Variants in ITGA2 observed in about 807,000 individuals in gnomAD.
The protein encoded by ITGA2 is integrin alpha-2.
ITGA2 carries 101 observed loss-of-function variants against 146.3 expected under a neutral mutation model. That is an observed-to-expected ratio of 0.69 (90% confidence interval 0.59 to 0.81). The LOEUF is 0.81. Ranked by LOEUF, ITGA2 falls within the 40% of genes least tolerant of loss-of-function variation. The pLI, the probability that ITGA2 is intolerant of heterozygous loss-of-function variation, is 0.00. For synonymous variants in ITGA2, 477 were observed against 487.1 expected, an observed-to-expected ratio of 0.98 and a Z score of 0.27; for missense variants, 1,281 against 1,402.7, an observed-to-expected ratio of 0.91 and a Z score of 1.39.
chr5:53,014,616 A>G (rs1443812509), intron 1 of ITGA2, among the ~76,000 whole-genome samples: 1 of 152,158 alleles, frequency 6.6e-6, no homozygotes, highest in East Asian at 1.9e-4. Context: ...GCTTCATAGA[A>G]TGAGTTAGGA....
At chr5:53,011,455 G>C (rs138400919) in intron 1 of ITGA2, among the ~76,000 whole-genome samples, 2 of 152,164 alleles carry the variant, frequency 1.3e-5, no homozygotes, top group East Asian at 3.9e-4. Flanking sequence ...CCAACCCACC[G>C]CTATGTTGCT....
In ITGA2 at chr5:53,069,130, T is replaced by C. The variant is rs1745271362; in HGVS notation, c.2084-979T>C. ...TATACAACCTTTAAAATATTGAAAA[T>C]AATAAAGTAAGATAGAATAACCCCA... On this transcript the variant is annotated intron_variant, in intron 16 of 29. Coordinates refer to ENST00000296585, the MANE Select transcript of ITGA2 (RefSeq NM_002203.4). Among the ~76,000 whole-genome samples, 2 of 151,796 alleles carry C rather than the reference T, an allele frequency of 1.3e-5. 1 individual carries two copies. The highest frequency in any genetic ancestry group is 4.8e-5 in the African/African-American group (2 of 41,392).
chr5:53,029,151 A>G (rs1476530500), intron 2 of ITGA2, among the ~76,000 whole-genome samples: 1 of 152,190 alleles, frequency 6.6e-6, no homozygotes, highest in East Asian at 1.9e-4. Context: ...GGGCGCCTGT[A>G]ATCCCAGCTA....
intron 27 of ITGA2, among the ~76,000 whole-genome samples, chr5:53,083,736 C>T (rs1037422196): frequency 2.6e-5 from 4 of 152,276 alleles, no homozygotes; most frequent in South Asian, 2.1e-4. Flanking sequence ...GTCATCTCTG[C>T]GGCCCTGGGC....
intron 1 of ITGA2, among the ~76,000 whole-genome samples, chr5:53,020,022 A>G (rs1273706668): frequency 6.6e-6 from 1 of 152,194 alleles, no homozygotes; most frequent in African/African-American, 2.4e-5. Flanking sequence ...GGTATTACCT[A>G]TTGTTTTAGG....
At chr5:53,071,316 C>T (rs3212578) in intron 17 of ITGA2, among the ~76,000 whole-genome samples, 10,121 of 151,942 alleles carry the variant, frequency 0.067, 367 homozygotes, top group Non-Finnish European at 0.077. Flanking sequence ...TCAGATTATA[C>T]ATGCAATCCC....
intron 3 of ITGA2, among the ~76,000 whole-genome samples, chr5:53,044,247 C>T (rs1324840446): frequency 1.6e-5 from 2 of 125,850 alleles, no homozygotes; most frequent in African/African-American, 6.5e-5. Context: ...TGCACTCCAG[C>T]CTGGATGACA....
rs1742969622 is a variant in ITGA2, at chr5:53,026,733, T to C, written c.65-15T>C. 2 of 1,603,126 alleles carry C rather than the reference T, an allele frequency of 1.2e-6. No individual in the cohort carries two copies. Among genetic ancestry groups the C allele is most frequent in the Admixed American group, 1.7e-5 (1 of 59,988 alleles). On this transcript the variant is annotated splice_polypyrimidine_tract_variant and intron_variant, in intron 1 of 29. Coordinates refer to ENST00000296585, the MANE Select transcript of ITGA2 (RefSeq NM_002203.4). Reference sequence around the variant, plus strand: ...TGAATTGTAAATATGTGCTATTTCATATTTTTCTTAATAGGCATTTTAAAT... The same window carrying C: ...TGAATTGTAAATATGTGCTATTTCACATTTTTCTTAATAGGCATTTTAAAT...
intron 7 of ITGA2, among the ~76,000 whole-genome samples, chr5:53,052,393 C>T (rs1281108353): frequency 6.6e-6 from 1 of 152,062 alleles, no homozygotes; most frequent in Non-Finnish European, 1.5e-5. Flanking sequence ...TGATGGTTTC[C>T]AGCTCCATCC....
In ITGA2 at chr5:53,048,439, A is replaced by C; in HGVS notation, c.464A>C (p.Asp155Ala). The C allele has an allele frequency of 1.2e-6, 2 of 1,614,082 alleles. No individual in the cohort carries two copies. Among genetic ancestry groups the C allele is most frequent in the Non-Finnish European group, 8.5e-7 (1 of 1,179,994 alleles). The change falls in exon 5 of 30, where the codon GAT (aspartate) becomes GCT (alanine). Residue 155 changes from aspartate to alanine, a missense_variant. Around this residue, in one of 3 missense-constraint regions of ITGA2, gnomAD observed 795 missense variants for 841.7 expected, o/e 0.94. Coordinates refer to ENST00000296585, the MANE Select transcript of ITGA2 (RefSeq NM_002203.4). ...TTGVCSDISP[D>A]FQLSASFSPA... is the part of the protein sequence containing the mutation. ...GGTGTGTGTTCTGACATCAGTCCTG[A>C]TTTTCAGCTCTCAGCCAGCTTCTCA... is the stretch of plus-strand genomic sequence containing the variant.
At chr5:53,006,491 G>A (rs1741859401) in intron 1 of ITGA2, among the ~76,000 whole-genome samples, 1 of 152,114 alleles carries the variant, frequency 6.6e-6, no homozygotes, top group African/African-American at 2.4e-5. Context: ...ACAGTAGCCT[G>A]CATTCAAGAG....
chr5:53,065,595 T>C (rs575614019), intron 14 of ITGA2, among the ~76,000 whole-genome samples: 2 of 151,872 alleles, frequency 1.3e-5, no homozygotes, highest in African/African-American at 4.8e-5. Context: ...AGTCCACTGA[T>C]CTTTTCACTG....
chr5:53,079,904 T>G (rs781250325), intron 24 of ITGA2, among the ~76,000 whole-genome samples: 11 of 152,140 alleles, frequency 7.2e-5, no homozygotes, highest in Non-Finnish European at 1.6e-4. Flanking sequence ...AAATAACCAG[T>G]AGTGTATGAG....
intron 4 of ITGA2, among the ~76,000 whole-genome samples, chr5:53,047,283 CTTAA>C (rs1276156779): frequency 1.3e-5 from 2 of 152,108 alleles, no homozygotes; most frequent in Non-Finnish European, 2.9e-5. Context: ...TTTTTAGGAT[CTTAA>C]TTAGATTTCT....
chr5:53,072,978 A>G, intron 19 of ITGA2, 140 bp from the exon 20 acceptor site: 1 of 829,520 alleles, frequency 1.2e-6, no homozygotes, highest in Non-Finnish European at 1.9e-6. Flanking sequence ...TTTGATGCAA[A>G]GATAGTTTAT....
In ITGA2 at chr5:53,090,581, CA is replaced by C. The variant is rs1483732986; in HGVS notation, c.3529del (p.Thr1177GlnfsTer32). On this transcript the variant is annotated frameshift_variant, in exon 30 of 30. Coordinates refer to ENST00000296585, the MANE Select transcript of ITGA2 (RefSeq NM_002203.4). LOFTEE classifies it high-confidence loss of function. ...TKNPDEIDET[T>X]ELSS ...AAAATCCAGATGAGATTGATGAGAC[CA>C]CAGAGCTCAGTAGCTGAACCAGCAG... The C allele has an allele frequency of 1.3e-5, 21 of 1,613,878 alleles. No homozygotes were observed. Among genetic ancestry groups the C allele is most frequent in the Non-Finnish European group, 1.7e-5 (20 of 1,179,860 alleles).
intron 8 of ITGA2, 90 bp downstream of exon 8, chr5:53,055,778 C>A: frequency 1.4e-6 from 2 of 1,463,846 alleles, no homozygotes; most frequent in Non-Finnish European, 1.9e-6. Flanking sequence ...TTCCCATTGG[C>A]TGTTCATAGT....
rs760641130 is a variant in ITGA2 at position 53,030,814 on chromosome 5, T to G, written c.185+3946T>G. Among the ~76,000 whole-genome samples, 86 of 152,364 alleles carry G rather than the reference T, an allele frequency of 5.6e-4. 1 individual carries two copies. Among genetic ancestry groups the G allele is most frequent in the Non-Finnish European group, 4.4e-5 (3 of 68,032 alleles). On this transcript the variant is annotated intron_variant, in intron 2 of 29. Transcript: ENST00000296585. ...TAAACCCCTTGCAGTTAATGGTGTT[T>G]GTTTTCTTTCAGTGTCACTAGCTAT...
intron 1 of ITGA2, among the ~76,000 whole-genome samples, chr5:53,013,187 G>A (rs1264056276): frequency 6.6e-6 from 1 of 151,992 alleles, no homozygotes; most frequent in African/African-American, 2.4e-5. Context: ...CCAATGTTCG[G>A]AATGGTATTT....
Sources: gnomAD v4.1 joint callset for allele counts (sites outside exome capture counted in the v4.1 genomes callset) on GRCh38, gnomAD v4.1.1 for gene constraint, gnomAD v4.1.1 regional missense constraint, MANE v1.5 for transcripts, NCBI Gene and HGNC (gene_info 2026-07-23, HGNC 2026-07-21) for gene names.